The following PLP1 variants were observed in gnomAD, a reference collection of about 807,000 sequenced individuals.
PLP1 encodes proteolipid protein 1, also known as myelin proteolipid protein.
Under a neutral mutation model 18.5 loss-of-function variants are expected in PLP1, and 2 were observed. That is an observed-to-expected ratio of 0.11 (90% confidence interval 0.04 to 0.34). The LOEUF is 0.34. PLP1 is among the 10% of genes least tolerant of loss of function. The pLI, the probability that PLP1 is intolerant of heterozygous loss-of-function variation, is 1.00. For synonymous variants in PLP1, 86 were observed against 83.2 expected, an observed-to-expected ratio of 1.03 and a Z score of -0.19; for missense variants, 105 against 207.3, an observed-to-expected ratio of 0.51 and a Z score of 3.03.
intron 1 of PLP1, chrX:103,780,674 G>A (rs1311082251): frequency 8.9e-6 from 1 of 111,859 alleles, no homozygotes; most frequent in Non-Finnish European, 1.9e-5. Flanking sequence ...GTATATAAGT[G>A]CTGATATCAA....
chrX:103,777,437 G>A (rs191203625), intron 1 of PLP1, among the ~76,000 whole-genome samples: 2 of 111,959 alleles, frequency 1.8e-5, no homozygotes, highest in East Asian at 5.7e-4. Context: ...AACCATGTTT[G>A]GCATTAATAG....
chrX:103,788,354 G>T, intron 4 of PLP1, 83 bp from the exon 5 acceptor site: 1 of 698,799 alleles, frequency 1.4e-6, no homozygotes, highest in Non-Finnish European at 2.3e-6. Context: ...ATTAGAGATG[G>T]AAGAAGGGCT....
At position 103,791,006 on chromosome X, in the gene PLP1, C is replaced by G; in HGVS notation, c.*408C>G. 1 of 199,912 alleles carries G rather than the reference C, an allele frequency of 5.0e-6. No homozygotes were observed. The highest frequency in any genetic ancestry group is 9.7e-5 in the South Asian group (1 of 10,351). The allele number at this position is 199,912 out of a possible 1,213,427, so 16.5% of individuals were successfully genotyped here. A position where few individuals can be genotyped will look rare whatever the true frequency, so the allele number is the denominator to read the frequency against. ...GTACAGAGAAGGAATGTCTTTGGTC[C>G]TCTTGCCATCTATAGGGGCCAAATA... On this transcript the variant is annotated 3_prime_UTR_variant, in exon 7 of 7. Coordinates refer to ENST00000621218, the MANE Select transcript of PLP1 (RefSeq NM_000533.5).
At chrX:103,781,212 C>T in intron 1 of PLP1, 1 of 286,541 alleles carries the variant, frequency 3.5e-6, no homozygotes, top group Non-Finnish European at 7.0e-6. Context: ...GGGCCCAGGG[C>T]ATGGGAAAGG....
upstream of PLP1, chrX:103,776,538 C>T (rs904976542): frequency 1.1e-4 from 15 of 135,579 alleles, no homozygotes; most frequent in East Asian, 2.0e-4. Context: ...TGCTGCATAT[C>T]CCACACCAAT....
intron 1 of PLP1, among the ~76,000 whole-genome samples, chrX:103,782,615 G>T (rs1288072322): frequency 8.9e-6 from 1 of 111,974 alleles, no homozygotes; most frequent in Non-Finnish European, 1.9e-5. Flanking sequence ...TTCTCTTTTG[G>T]CTAGCAAGAG....
chrX:103,787,199 G>A (rs1188357438), intron 3 of PLP1, among the ~76,000 whole-genome samples: 3 of 111,745 alleles, frequency 2.7e-5, no homozygotes, highest in African/African-American at 9.8e-5. Flanking sequence ...AGGTCCCAGA[G>A]GGAATTGGAG....
chrX:103,787,617 T>C (rs1233738600), intron 3 of PLP1, 181 bp from the exon 4 acceptor site: 1 of 478,497 alleles, frequency 2.1e-6, no homozygotes, highest in Non-Finnish European at 3.7e-6. Flanking sequence ...TGGGGCCAGT[T>C]ATCTAGTAGA....
intron 1 of PLP1, among the ~76,000 whole-genome samples, chrX:103,782,497 C>T (rs1019621173): frequency 1.2e-4 from 13 of 112,154 alleles, no homozygotes; most frequent in Non-Finnish European, 2.1e-4. Flanking sequence ...ATCCATGACA[C>T]TCTCAGGTTA....
chrX:103,788,554 C>T (rs1331193581), intron 5 of PLP1, 44 bp downstream of exon 5: 5 of 963,621 alleles, frequency 5.2e-6, no homozygotes, highest in Middle Eastern at 2.6e-4. Flanking sequence ...GTAGCTAATA[C>T]CATACAAATT....
intron 2 of PLP1, chrX:103,786,123 C>A (rs1469077768): frequency 1.3e-5 from 14 of 1,089,636 alleles, no homozygotes; most frequent in Middle Eastern, 2.5e-4. Context: ...ACAAGTTAGG[C>A]TCCTGTTCCT....
In PLP1 at chrX:103,779,542, C is replaced by A. The variant is rs1273228544; in HGVS notation, c.4+2543C>A. 2.7e-5 allele frequency among the ~76,000 whole-genome samples: 3 copies of A among 112,200 alleles called. No homozygotes were observed. In the East Asian group the frequency reaches 8.4e-4, roughly 31 times the overall value. On this transcript the variant is annotated intron_variant, in intron 1 of 6. Transcript: ENST00000621218. ...TCCTGGAGACACTGACTAAAATAAT[C>A]AAGTGCAGCCTTCTCTACCTCACTT...
chrX:103,784,617 C>T (rs1302726819), intron 1 of PLP1, among the ~76,000 whole-genome samples: 1 of 111,973 alleles, frequency 8.9e-6, no homozygotes, highest in Non-Finnish European at 1.9e-5. Flanking sequence ...CCAGGAGCAT[C>T]CAATTTCCAA....
chrX:103,784,858 C>T (rs143246498), intron 1 of PLP1, among the ~76,000 whole-genome samples: 3,094 of 111,827 alleles, frequency 0.028, 109 homozygotes, highest in African/African-American at 0.094. Context: ...CTTCATATCC[C>T]GTATAACACC....
chrX:103,786,327 G>A, intron 2 of PLP1, 138 bp from the exon 3 acceptor site: 2 of 1,041,327 alleles, frequency 1.9e-6, no homozygotes, highest in Non-Finnish European at 1.3e-6. Flanking sequence ...CATGCAGGAG[G>A]AACCTGGTGA....
At chrX:103,786,101 C>T (rs1667092509) in intron 2 of PLP1, 1 of 1,076,749 alleles carries the variant, frequency 9.3e-7, no homozygotes, top group Middle Eastern at 2.6e-4. Flanking sequence ...CTAAGCCTCT[C>T]CTGTTCCTAG....
chrX:103,785,534 G>T, intron 1 of PLP1, 48 bp from the exon 2 acceptor site: 1 of 1,093,943 alleles, frequency 9.1e-7, no homozygotes, highest in Non-Finnish European at 1.3e-6. Flanking sequence ...TGAGTGGCAT[G>T]AGCTACCTAC....
rs1278124203 is a variant in PLP1 at position 103,788,058 on chromosome X, A to G, written c.622+92A>G. On this transcript the variant is annotated intron_variant, in intron 4 of 6. Coordinates refer to ENST00000621218, the MANE Select transcript of PLP1 (RefSeq NM_000533.5). ...TCTTAGTGTAAGGAGGGTGGTGATTATGAGAAAAATATAAGATGATGAATG... is the reference window on the plus strand; with the variant it reads ...TCTTAGTGTAAGGAGGGTGGTGATTGTGAGAAAAATATAAGATGATGAATG... The G allele has an allele frequency of 1.0e-5, 7 of 697,507 alleles. No individual in the cohort carries two copies. In the Middle Eastern group the frequency reaches 1.5e-3, roughly 149 times the overall value. 57.5% of individuals were successfully genotyped at this position (697,507 alleles called of 1,213,427 possible).
In PLP1 at chrX:103,781,140, C is replaced by G. The variant is rs2074450387; in HGVS notation, c.4+4141C>G. Reference sequence around the variant, plus strand: ...TCCTTTCGATGAAAGCCCTTCCTCTCCTTCCTTTGATGAGTTCCCAGATTC... The same window carrying G: ...TCCTTTCGATGAAAGCCCTTCCTCTGCTTCCTTTGATGAGTTCCCAGATTC... On this transcript the variant is annotated intron_variant, in intron 1 of 6. Coordinates refer to ENST00000621218, the MANE Select transcript of PLP1 (RefSeq NM_000533.5). 6 of 232,935 alleles carry G rather than the reference C, an allele frequency of 2.6e-5. No individual in the cohort carries two copies. In the South Asian group the frequency reaches 2.7e-4, roughly 11 times the overall value. The allele number at this position is 232,935 out of a possible 1,213,427, so 19.2% of individuals were successfully genotyped here. A position where few individuals can be genotyped will look rare whatever the true frequency, so the allele number is the denominator to read the frequency against.
Sources: allele counts gnomAD v4.1 joint callset (sites outside exome capture counted in the v4.1 genomes callset), GRCh38; gene constraint gnomAD v4.1.1; transcripts MANE v1.5; gene names NCBI Gene and HGNC (gene_info 2026-07-23, HGNC 2026-07-21).